The following HMCN1 variants were observed in gnomAD, a reference collection of about 807,000 sequenced individuals.
The protein encoded by HMCN1 is hemicentin 1.
In HMCN1, 321 loss-of-function variants were observed where a neutral mutation model predicts 625.9. The observed-to-expected ratio is 0.51, with a 90% CI of 0.47 to 0.56. The LOEUF (loss-of-function observed/expected upper bound fraction) is 0.56. HMCN1 is among the 20% of genes least tolerant of loss of function. HMCN1 has a pLI of 0.00. For missense variants in HMCN1, 6,588 were observed against 6,887.3 expected (o/e 0.96, Z 1.54); for synonymous variants, 2,425 against 2,417.6 (o/e 1.00, Z -0.09).
chr1:185,826,523 G>A (rs1427395987), intron 1 of HMCN1, among the ~76,000 whole-genome samples: 2 of 152,106 alleles, frequency 1.3e-5, no homozygotes, highest in East Asian at 1.9e-4. Context: ...GATACACACT[G>A]AGATGCAATT....
intron 67 of HMCN1, 88 bp from the exon 68 acceptor site, chr1:186,095,155 C>T (rs549532258): frequency 5.4e-4 from 710 of 1,321,952 alleles, no homozygotes; most frequent in Non-Finnish European, 7.4e-4. Flanking sequence ...ACCACAGAAA[C>T]ATTATAGAAT....
At position 186,144,267 on chromosome 1, in the gene HMCN1, AC is replaced by A; in HGVS notation, c.14021del (p.Pro4674HisfsTer187). 1 of 1,614,072 alleles carries A rather than the reference AC, an allele frequency of 6.2e-7. No homozygotes were observed. Among genetic ancestry groups the A allele is most frequent in the Non-Finnish European group, 8.5e-7 (1 of 1,179,968 alleles). On this transcript the variant is annotated frameshift_variant, in exon 90 of 107. Transcript: ENST00000271588. LOFTEE classifies it high-confidence loss of function. ...QTRARLCNNPPPAFGGSYCDG... is the reference protein window; with the variant it reads ...QTRARLCNNPXPAFGGSYCDG... ...CAAGAGCAAGACTTTGTAATAACCC[AC>A]CACCAGCGTTTGGTGGGTCCTACTG...
intron 93 of HMCN1, among the ~76,000 whole-genome samples, chr1:186,150,029 G>A (rs947562711): frequency 2.0e-5 from 3 of 152,072 alleles, no homozygotes; most frequent in African/African-American, 7.2e-5. Flanking sequence ...AATATTGCAA[G>A]AATTACCAAA....
chr1:185,974,748 G>A (rs1484321835), intron 15 of HMCN1, among the ~76,000 whole-genome samples: 2 of 152,080 alleles, frequency 1.3e-5, no homozygotes, highest in African/African-American at 2.4e-5. Flanking sequence ...CCTAGTGCCT[G>A]GTATTCTCAT....
intron 40 of HMCN1, among the ~76,000 whole-genome samples, chr1:186,044,651 CT>C (rs1465804275): frequency 1.3e-5 from 2 of 151,910 alleles, no homozygotes; most frequent in Non-Finnish European, 2.9e-5. Context: ...TTTTTTGTAA[CT>C]AAAAAAATGC....
intron 1 of HMCN1, among the ~76,000 whole-genome samples, chr1:185,747,577 C>G (rs1654503904): frequency 6.6e-6 from 1 of 152,152 alleles, no homozygotes; most frequent in Non-Finnish European, 1.5e-5. Flanking sequence ...GCCTTGGCCT[C>G]CCAAATTGCT....
chr1:185,940,962 A>G (rs1358113613), intron 11 of HMCN1, among the ~76,000 whole-genome samples: 2 of 152,186 alleles, frequency 1.3e-5, no homozygotes, highest in East Asian at 1.9e-4. Context: ...GGGTTTCTCC[A>G]TGTTGGTCAG....
chr1:186,064,821 A>AAAAAAAAAAGTAT (rs1553286400), intron 48 of HMCN1, among the ~76,000 whole-genome samples: 26 of 151,388 alleles, frequency 1.7e-4, no homozygotes, highest in African/African-American at 6.1e-4. Flanking sequence ...AAAAAAAAAA[A>AAAAAAAAAAGTAT]AAAAAAAGTA....
At chr1:186,105,698 A>G (rs1660576958) in intron 69 of HMCN1, among the ~76,000 whole-genome samples, 1 of 152,238 alleles carries the variant, frequency 6.6e-6, no homozygotes, top group South Asian at 2.1e-4. Context: ...ACAAGACTTT[A>G]GAAACTAACT....
chr1:186,156,521 T>G (rs1427303731), intron 97 of HMCN1, among the ~76,000 whole-genome samples: 1 of 152,134 alleles, frequency 6.6e-6, no homozygotes, highest in Non-Finnish European at 1.5e-5. Context: ...TACAGAGGTA[T>G]GGGGAAGTGA....
chr1:185,862,728 C>CA (rs1662947848), intron 2 of HMCN1, among the ~76,000 whole-genome samples: 1 of 152,026 alleles, frequency 6.6e-6, no homozygotes, highest in Non-Finnish European at 1.5e-5. Flanking sequence ...ATAAGTTCTG[C>CA]AAAAAGAGAA....
At chr1:185,803,603 G>A (rs905666401) in intron 1 of HMCN1, among the ~76,000 whole-genome samples, 1 of 152,232 alleles carries the variant, frequency 6.6e-6, no homozygotes, top group Non-Finnish European at 1.5e-5. Flanking sequence ...AGAAAAGGAT[G>A]AGGCAGAAAG....
intron 2 of HMCN1, among the ~76,000 whole-genome samples, chr1:185,860,756 C>T (rs1662819490): frequency 6.6e-6 from 1 of 152,026 alleles, no homozygotes; most frequent in Admixed American, 6.5e-5. Flanking sequence ...TTGTGAAATT[C>T]TCTGTGGGGT....
chr1:185,939,598 G>T (rs1667986010), intron 11 of HMCN1, among the ~76,000 whole-genome samples: 1 of 151,936 alleles, frequency 6.6e-6, no homozygotes, highest in Non-Finnish European at 1.5e-5. Flanking sequence ...ATACTTTTCT[G>T]TACTTGAAAA....
At chr1:185,748,093 A>C (rs910302393) in intron 1 of HMCN1, among the ~76,000 whole-genome samples, 2 of 142,850 alleles carry the variant, frequency 1.4e-5, no homozygotes, top group African/African-American at 5.3e-5. Flanking sequence ...ACATTATTTC[A>C]CTAAGTAATA....
At chr1:185,937,452 G>A (rs1173668498) in intron 11 of HMCN1, among the ~76,000 whole-genome samples, 62 of 152,176 alleles carry the variant, frequency 4.1e-4, no homozygotes, top group Admixed American at 4.0e-3. Context: ...CATGTGGACA[G>A]AGACCTAAAC....
intron 97 of HMCN1, among the ~76,000 whole-genome samples, chr1:186,164,853 A>AT (rs1182243892): frequency 6.6e-6 from 1 of 152,142 alleles, no homozygotes; most frequent in Admixed American, 6.5e-5. Context: ...TTATCACATA[A>AT]TTTTTTTATT....
intron 36 of HMCN1, among the ~76,000 whole-genome samples, chr1:186,034,534 A>G (rs1471126497): frequency 1.3e-5 from 2 of 152,144 alleles, no homozygotes; most frequent in Admixed American, 1.3e-4. Context: ...TTTTCATGGA[A>G]AGGCCAGACA....
At chr1:186,005,698 A>G (rs77967493) in intron 29 of HMCN1, among the ~76,000 whole-genome samples, 4,136 of 152,276 alleles carry the variant, frequency 0.027, 185 homozygotes, top group African/African-American at 0.094. Flanking sequence ...GACTCACATT[A>G]GGGGCCACAG....
Sources: allele counts gnomAD v4.1 joint callset (sites outside exome capture counted in the v4.1 genomes callset), GRCh38; gene constraint gnomAD v4.1.1; transcripts MANE v1.5; gene names NCBI Gene and HGNC (gene_info 2026-07-23, HGNC 2026-07-21).